The following AKNAD1 variants were observed in gnomAD, a reference collection of about 807,000 sequenced individuals.
AKNAD1 encodes the protein protein AKNAD1.
In AKNAD1, 67 loss-of-function variants were observed where a neutral mutation model predicts 90.8. The ratio of observed to expected loss-of-function variants is 0.74; its 90% CI spans 0.61 to 0.90. The LOEUF is 0.90. Among genes scored for constraint, AKNAD1 ranks in the 40% least tolerant of loss-of-function variants. The pLI is 0.00. For missense variants in AKNAD1, 957 were observed against 975.4 expected, an observed-to-expected ratio of 0.98 and a Z score of 0.25; for synonymous variants, 327 against 341.4, an observed-to-expected ratio of 0.96 and a Z score of 0.46.
At chr1:108,842,942 A>G (rs1664594774) in intron 6 of AKNAD1, among the ~76,000 whole-genome samples, 192 bp downstream of exon 6, 1 of 152,186 alleles carries the variant, frequency 6.6e-6, no homozygotes, top group Non-Finnish European at 1.5e-5. Context: ...AATGTCCAGC[A>G]CAGCACCTTA....
In AKNAD1 at chr1:108,827,196, T is replaced by C; in HGVS notation, c.1936+9A>G. 6.2e-7 allele frequency: 1 copy of C among 1,604,706 alleles called. No individual in the cohort carries two copies. Among genetic ancestry groups the C allele is most frequent in the Non-Finnish European group, 8.5e-7 (1 of 1,173,686 alleles). Reference sequence around the variant, plus strand: ...AAAATGAGCACCCAGCCCAAGCCCATCAACTTACTGGGAGTTGAATCTGAG... The same window carrying C: ...AAAATGAGCACCCAGCCCAAGCCCACCAACTTACTGGGAGTTGAATCTGAG... On this transcript the variant is annotated intron_variant, in intron 11 of 15. Coordinates refer to ENST00000370001, the MANE Select transcript of AKNAD1 (RefSeq NM_152763.5).
At chr1:108,834,663 G>A in intron 8 of AKNAD1, 135 bp from the exon 9 acceptor site, 1 of 947,142 alleles carries the variant, frequency 1.1e-6, no homozygotes, top group Non-Finnish European at 1.6e-6. Flanking sequence ...AGAGTGCTAT[G>A]GGCCTCATGC....
At chr1:108,824,267 G>T (rs569596426) in intron 11 of AKNAD1, among the ~76,000 whole-genome samples, 1 of 152,324 alleles carries the variant, frequency 6.6e-6, no homozygotes, top group South Asian at 2.1e-4. Flanking sequence ...AGCACTCCAG[G>T]TAAGGCCAGA....
chr1:108,822,325 C>A (rs938333746), intron 13 of AKNAD1, among the ~76,000 whole-genome samples: 3 of 152,306 alleles, frequency 2.0e-5, no homozygotes, highest in East Asian at 1.9e-4. Context: ...CTCCTTATGA[C>A]TTCTACCCCC....
At chr1:108,835,628 T>C (rs1283548533) in intron 7 of AKNAD1, among the ~76,000 whole-genome samples, 1 of 81,354 alleles carries the variant, frequency 1.2e-5, no homozygotes, top group Non-Finnish European at 2.8e-5. Flanking sequence ...GTTAATTTAA[T>C]TTTTTTTTTT....
intron 1 of AKNAD1, among the ~76,000 whole-genome samples, chr1:108,854,811 G>T (rs1462039923): frequency 6.6e-6 from 1 of 152,226 alleles, no homozygotes; most frequent in Non-Finnish European, 1.5e-5. Context: ...GAAAGCAGAA[G>T]TGGAGAGGCA....
chr1:108,816,394 A>G, intron 15 of AKNAD1, 92 bp from the exon 16 acceptor site: 1 of 1,367,948 alleles, frequency 7.3e-7, no homozygotes, highest in Non-Finnish European at 9.8e-7. Context: ...TACAAGGTGG[A>G]ATTTGGGGAG....
intron 5 of AKNAD1, among the ~76,000 whole-genome samples, chr1:108,845,658 A>G (rs17029825): frequency 0.26 from 40,137 of 152,152 alleles, 6,233 homozygotes; most frequent in African/African-American, 0.44. Context: ...GACACTGTAA[A>G]TCTCACAGAC....
rs759393026 is a variant in AKNAD1, at chr1:108,837,679, C to A, written c.1407G>T (p.Leu469Phe). 6.2e-7 allele frequency: 1 copy of A among 1,614,042 alleles called. No individual in the cohort carries two copies. Among genetic ancestry groups the A allele is most frequent in the African/African-American group, 1.3e-5 (1 of 74,940 alleles). The change falls in exon 7 of 16, where the codon TTG becomes TTT. Residue 469 changes from leucine (L) to phenylalanine (F), a missense_variant. Leu to Phe is a conservative substitution (Grantham distance 22). Coordinates refer to ENST00000370001, the MANE Select transcript of AKNAD1 (RefSeq NM_152763.5). ...ERKVEGEIFK[L>F]EMLLEDVKEK... ...CTTTAACATCTTCAAGCAGCATCTC[C>A]AATTTGAAGATTTCACCTTCCACTT...
At chr1:108,855,506 G>A (rs2101226246) in intron 1 of AKNAD1, among the ~76,000 whole-genome samples, 1 of 147,056 alleles carries the variant, frequency 6.8e-6, no homozygotes, top group East Asian at 2.1e-4. Context: ...AAAAAATCAG[G>A]CTGGATGAGG....
chr1:108,845,859 A>G (rs1184414292), intron 5 of AKNAD1, among the ~76,000 whole-genome samples: 2 of 152,228 alleles, frequency 1.3e-5, no homozygotes, highest in African/African-American at 4.8e-5. Flanking sequence ...AGGACAAGTC[A>G]CTTACGAACT....
chr1:108,837,082 A>T (rs1399068874), intron 7 of AKNAD1: 1 of 152,892 alleles, frequency 6.5e-6, no homozygotes, highest in Admixed American at 6.5e-5. Context: ...AATATAAAAA[A>T]TTAGCCAGGC....
At chr1:108,845,424 C>T (rs1196194996) in intron 5 of AKNAD1, among the ~76,000 whole-genome samples, 1 of 152,234 alleles carries the variant, frequency 6.6e-6, no homozygotes, top group African/African-American at 2.4e-5. Context: ...GGCTTGTCAG[C>T]TAGTCCCACA....
At chr1:108,836,497 A>T (rs1188625514) in intron 7 of AKNAD1, among the ~76,000 whole-genome samples, 3 of 150,710 alleles carry the variant, frequency 2.0e-5, no homozygotes, top group Admixed American at 1.3e-4. Flanking sequence ...CTTGGGGGTG[A>T]GGAGGGTGGC....
chr1:108,849,602 G>A (rs374137162), intron 2 of AKNAD1, 26 bp from the exon 3 acceptor site: 23 of 1,548,500 alleles, frequency 1.5e-5, no homozygotes, highest in East Asian at 1.3e-4. Context: ...GTAAGAAAAC[G>A]TTACTGTCGA....
In AKNAD1 at chr1:108,834,958, G is replaced by A. The variant is rs148000920; in HGVS notation, c.1635C>T (p.Asn545=). 310 of 1,550,482 alleles carry A rather than the reference G, an allele frequency of 2.0e-4. No homozygotes were observed. The highest frequency in any genetic ancestry group is 2.5e-4 in the Non-Finnish European group (295 of 1,157,628). Residue 545 remains asparagine, a synonymous_variant, in exon 8 of 16, where the codon AAC becomes AAT. Coordinates refer to ENST00000370001, the MANE Select transcript of AKNAD1 (RefSeq NM_152763.5). The part of the protein sequence containing the change: ...TPQGGPQEAP[N]EELCELAPQT... ...GCGGGGCCAGCTCACAGAGCTCCTC[G>A]TTGGGGGCCTCCTGCGGCCCTCCTT...
At chr1:108,849,200 G>A in intron 3 of AKNAD1, 140 bp from the exon 4 acceptor site, 5 of 794,138 alleles carry the variant, frequency 6.3e-6, no homozygotes, top group Non-Finnish European at 9.4e-6. Flanking sequence ...ATTTATCTAG[G>A]CCAGGCACAG....
At position 108,851,379 on chromosome 1, in the gene AKNAD1, G is replaced by A. The variant is rs556839037; in HGVS notation, c.993+293C>T. Among the ~76,000 whole-genome samples the A allele has an allele frequency of 2.0e-4, 31 of 152,336 alleles. No individual in the cohort carries two copies. In the South Asian group the frequency reaches 6.4e-3, roughly 32 times the overall value. On this transcript the variant is annotated intron_variant, in intron 2 of 15. Transcript: ENST00000370001. ...TGGGAAGAGGTTCTGGACCAGCCAG[G>A]TAACTGCAGATGACTCCTGAAGGAA... is the stretch of plus-strand genomic sequence containing the variant.
At chr1:108,850,504 A>G (rs1370406481) in intron 2 of AKNAD1, among the ~76,000 whole-genome samples, 1 of 152,120 alleles carries the variant, frequency 6.6e-6, no homozygotes, top group African/African-American at 2.4e-5. Context: ...TTTCTCTCAG[A>G]CCTAGAGAGC....
Sources: gnomAD v4.1 joint callset for allele counts (sites outside exome capture counted in the v4.1 genomes callset) on GRCh38, gnomAD v4.1.1 for gene constraint, MANE v1.5 for transcripts, NCBI Gene and HGNC (gene_info 2026-07-23, HGNC 2026-07-21) for gene names.